RSRC1: variants seen among roughly 807,000 people sequenced by gnomAD.
The protein encoded by RSRC1 is serine/Arginine-related protein 53.
In RSRC1, 39 loss-of-function variants were observed where a neutral mutation model predicts 49.1. The ratio of observed to expected loss-of-function variants is 0.79; its 90% CI spans 0.61 to 1.04. The LOEUF (loss-of-function observed/expected upper bound fraction) is 1.04. Ranked by LOEUF, RSRC1 falls within the 50% of genes least tolerant of loss-of-function variation. RSRC1 has a pLI of 0.00. For synonymous variants in RSRC1, 143 were observed against 130.8 expected (o/e 1.09, Z -0.63); for missense variants, 388 against 402.4 (o/e 0.96, Z 0.31).
intron 4 of RSRC1, among the ~76,000 whole-genome samples, chr3:158,244,856 C>T (rs1036840629): frequency 1.2e-4 from 18 of 151,956 alleles, no homozygotes; most frequent in African/African-American, 2.2e-4. Context: ...CATCTTTGGA[C>T]GATATACGTG....
rs1560081927 is a variant in RSRC1, at chr3:158,544,288, T to TAG, written c.*14_*15dup. 1 of 1,507,890 alleles carries TAG rather than the reference T, an allele frequency of 6.6e-7. No homozygotes were observed. Among genetic ancestry groups the TAG allele is most frequent in the South Asian group, 1.2e-5 (1 of 83,288 alleles). The allele number at this position is 1,507,890 out of a possible 1,614,324, so 93.4% of individuals were successfully genotyped here. A position where few individuals can be genotyped will look rare whatever the true frequency, so the allele number is the denominator to read the frequency against. ...TCCTGTGGCCTAAGTAATATACATA[T>TAG]AGTTGGATTGGATTGTCAGCAGTAA... On this transcript the variant is annotated 3_prime_UTR_variant, in exon 10 of 10. Transcript: ENST00000611884.
At chr3:158,455,495 A>C (rs569232087) in intron 6 of RSRC1, among the ~76,000 whole-genome samples, 1 of 152,280 alleles carries the variant, frequency 6.6e-6, no homozygotes, top group South Asian at 2.1e-4. Context: ...TGAAAAAGCC[A>C]ATCCCCTATG....
chr3:158,278,320 C>T (rs989612493), intron 4 of RSRC1, among the ~76,000 whole-genome samples: 2 of 152,196 alleles, frequency 1.3e-5, no homozygotes, highest in Admixed American at 6.5e-5. Context: ...TACATTTTCA[C>T]AAGCTTTGTA....
chr3:158,123,867 C>T lies in RSRC1; in HGVS notation c.196C>T (p.Arg66Cys), dbSNP rs772577036. 112 of 1,601,878 alleles carry T rather than the reference C, an allele frequency of 7.0e-5. No homozygotes were observed. Among genetic ancestry groups the T allele is most frequent in the Middle Eastern group, 3.3e-4 (2 of 6,012 alleles). ...QPRSHSYDRR[R>C]RHRSSSSSSY... ...ATCTTTGATTATATTTTATTTCAGA[C>T]GCAGGCATCGATCAAGCAGTAGCTC... is the stretch of plus-strand genomic sequence containing the variant. The change falls in exon 3 of 10, where the codon CGC becomes TGC. Residue 66 changes from arginine to cysteine, a missense_variant and splice_region_variant. Coordinates refer to ENST00000611884, the MANE Select transcript of RSRC1 (RefSeq NM_001271838.2).
intron 4 of RSRC1, among the ~76,000 whole-genome samples, chr3:158,221,062 T>A (rs376377102): frequency 3.3e-5 from 5 of 151,566 alleles, no homozygotes; most frequent in African/African-American, 9.7e-5. Context: ...TATTCAGTAT[T>A]TGTAATATCC....
chr3:158,172,891 A>G (rs1219196215), intron 3 of RSRC1, among the ~76,000 whole-genome samples: 2 of 152,060 alleles, frequency 1.3e-5, no homozygotes, highest in African/African-American at 2.4e-5. Context: ...TTTTCATCTG[A>G]ATTTGTGCTA....
chr3:158,392,899 A>G (rs1733397923), intron 6 of RSRC1, among the ~76,000 whole-genome samples: 1 of 152,114 alleles, frequency 6.6e-6, no homozygotes. Context: ...TGCATATGGC[A>G]CATACTCTAA....
At position 158,399,515 on chromosome 3, in the gene RSRC1, G is replaced by A. The variant is rs114696213; in HGVS notation, c.583+44607G>A. Among the ~76,000 whole-genome samples the A allele has an allele frequency of 6.0e-3, 913 of 152,114 alleles. 14 individuals carry two copies. The highest frequency in any genetic ancestry group is 0.021 in the African/African-American group (881 of 41,476). On this transcript the variant is annotated intron_variant, in intron 6 of 9. Transcript: ENST00000611884. ...GCATACAGGTTAGTTACTTGCCTGA[G>A]GTCACACAGCTTGTAAGGGCCAGAG...
At chr3:158,346,194 C>A (rs1730544773) in intron 5 of RSRC1, among the ~76,000 whole-genome samples, 2 of 152,106 alleles carry the variant, frequency 1.3e-5, no homozygotes, top group African/African-American at 4.8e-5. Flanking sequence ...TGTCTGTAAT[C>A]CCAGCACCTT....
chr3:158,124,787 T>C (rs1291889998), intron 3 of RSRC1, among the ~76,000 whole-genome samples: 3 of 151,716 alleles, frequency 2.0e-5, no homozygotes, highest in African/African-American at 7.3e-5. Context: ...TTTTAGTTAT[T>C]ACGCTTCTGG....
intron 3 of RSRC1, among the ~76,000 whole-genome samples, chr3:158,183,595 T>C (rs973290763): frequency 2.6e-5 from 4 of 152,104 alleles, no homozygotes; most frequent in Admixed American, 6.6e-5. Flanking sequence ...AGTAAAACAA[T>C]AATTTGTAAG....
At chr3:158,248,621 A>T (rs1244426805) in intron 4 of RSRC1, among the ~76,000 whole-genome samples, 3 of 149,088 alleles carry the variant, frequency 2.0e-5, no homozygotes, top group African/African-American at 7.4e-5. Flanking sequence ...TTTTTGAGAC[A>T]GAGTCTCACT....
intron 4 of RSRC1, among the ~76,000 whole-genome samples, chr3:158,219,729 G>A (rs947787957): frequency 2.0e-5 from 3 of 151,550 alleles, no homozygotes; most frequent in Non-Finnish European, 4.4e-5. Context: ...AGTAATGTGC[G>A]GGAGTAATGA....
chr3:158,447,942 T>G (rs975326400), intron 6 of RSRC1, among the ~76,000 whole-genome samples: 1 of 151,868 alleles, frequency 6.6e-6, no homozygotes, highest in African/African-American at 2.4e-5. Flanking sequence ...AGTTACTCTT[T>G]AAAAAATATA....
chr3:158,387,674 G>C (rs1733040448), intron 6 of RSRC1, among the ~76,000 whole-genome samples: 1 of 152,090 alleles, frequency 6.6e-6, no homozygotes, highest in Non-Finnish European at 1.5e-5. Context: ...TATTGGTATG[G>C]TTTACATTCC....
chr3:158,329,774 C>G (rs548494234), intron 5 of RSRC1, among the ~76,000 whole-genome samples: 1 of 152,190 alleles, frequency 6.6e-6, no homozygotes, highest in Non-Finnish European at 1.5e-5. Context: ...CAGACAGGGA[C>G]GTTTAACTCT....
At chr3:158,359,620 T>A (rs1731358919) in intron 6 of RSRC1, among the ~76,000 whole-genome samples, 1 of 152,220 alleles carries the variant, frequency 6.6e-6, no homozygotes, top group African/African-American at 2.4e-5. Flanking sequence ...AGCTTGAAGA[T>A]CCCAGGAACT....
intron 7 of RSRC1, among the ~76,000 whole-genome samples, chr3:158,533,511 T>C (rs1425262429): frequency 6.6e-6 from 1 of 151,732 alleles, no homozygotes; most frequent in Non-Finnish European, 1.5e-5. Flanking sequence ...TGGTTGTATG[T>C]CCAAATTTAA....
intron 6 of RSRC1, among the ~76,000 whole-genome samples, chr3:158,423,979 C>A (rs1180929273): frequency 6.7e-6 from 1 of 150,374 alleles, no homozygotes; most frequent in Admixed American, 6.6e-5. Context: ...TGGGCTGAGA[C>A]AATGGGGTTT....
Sources: gnomAD v4.1 joint callset for allele counts (sites outside exome capture counted in the v4.1 genomes callset) on GRCh38, gnomAD v4.1.1 for gene constraint, MANE v1.5 for transcripts, NCBI Gene and HGNC (gene_info 2026-07-23, HGNC 2026-07-21) for gene names.